LGALS9: variants seen among roughly 807,000 people sequenced by gnomAD.
LGALS9 encodes galectin-9.
Under a neutral mutation model 35.9 loss-of-function variants are expected in LGALS9, and 26 were observed. The observed-to-expected ratio is 0.72, with a 90% confidence interval of 0.53 to 1.01. The LOEUF is 1.01. Ranked by LOEUF, LGALS9 falls within the 50% of genes least tolerant of loss-of-function variation. The pLI, the probability that LGALS9 is intolerant of heterozygous loss-of-function variation, is 0.00. For synonymous variants in LGALS9, 149 were observed against 172.2 expected, an observed-to-expected ratio of 0.87 and a Z score of 1.06; for missense variants, 347 against 445.8, an observed-to-expected ratio of 0.78 and a Z score of 1.99.
At chr17:27,646,292 G>A (rs894972169) in intron 7 of LGALS9, among the ~76,000 whole-genome samples, 3 of 152,150 alleles carry the variant, frequency 2.0e-5, no homozygotes, top group Non-Finnish European at 4.4e-5. Context: ...TGCAAATGAG[G>A]CAGGGGGGCT....
At chr17:27,646,504 C>G (rs1224193850) in intron 7 of LGALS9, 43 bp from the exon 8 acceptor site, 1 of 1,611,922 alleles carries the variant, frequency 6.2e-7, no homozygotes. Context: ...TGCTCGCGCA[C>G]CCATGTGCTC....
intron 1 of LGALS9, among the ~76,000 whole-genome samples, chr17:27,635,175 G>T (rs1276076179): frequency 6.6e-6 from 1 of 152,090 alleles, no homozygotes; most frequent in Non-Finnish European, 1.5e-5. Flanking sequence ...TTCAGGCCAG[G>T]CATGATGGTT....
intron 7 of LGALS9, among the ~76,000 whole-genome samples, chr17:27,646,295 G>C (rs1284758387): frequency 3.3e-5 from 5 of 152,158 alleles, no homozygotes; most frequent in Admixed American, 6.5e-5. Flanking sequence ...AAATGAGGCA[G>C]GGGGGCTTAG....
In LGALS9 at chr17:27,631,285, A is replaced by T; in HGVS notation, c.20A>T (p.Gln7Leu). 6.2e-7 allele frequency: 1 copy of T among 1,614,162 alleles called. No individual in the cohort carries two copies. Among genetic ancestry groups the T allele is most frequent in the Non-Finnish European group, 8.5e-7 (1 of 1,180,010 alleles). The part of the protein sequence containing the change: MAFSGS[Q>L]APYLSPAVPF... ...GGAGAGATGGCCTTCAGCGGTTCCCAGGCTCCCTACCTGAGTCCAGTGAGT... is the reference window on the plus strand; with the variant it reads ...GGAGAGATGGCCTTCAGCGGTTCCCTGGCTCCCTACCTGAGTCCAGTGAGT... The change falls in exon 1 of 11, where the codon CAG (glutamine) becomes CTG (leucine). Residue 7 changes from glutamine to leucine, a missense_variant. Gln to Leu is a moderately radical substitution (Grantham distance 113, BLOSUM62 -2). Transcript: ENST00000395473.
chr17:27,640,654 G>A lies in LGALS9; in HGVS notation c.214G>A (p.Val72Met), dbSNP rs745502360. The A allele has an allele frequency of 8.7e-5, 141 of 1,614,100 alleles. No homozygotes were observed. The highest frequency in any genetic ancestry group is 1.1e-4 in the East Asian group (5 of 44,906). ...FNPRFEDGGY[V>M]VCNTRQNGSW... ...CCCTCGGTTTGAAGATGGAGGGTAC[G>A]TGGTGTGCAACACGAGGCAGAACGG... The change falls in exon 3 of 11, where the codon GTG becomes ATG. Residue 72 changes from valine (V) to methionine (M), a missense_variant. Coordinates refer to ENST00000395473, the MANE Select transcript of LGALS9 (RefSeq NM_009587.3).
chr17:27,645,074 C>G (rs1904827221), intron 5 of LGALS9: 9 of 671,550 alleles, frequency 1.3e-5, no homozygotes, highest in Non-Finnish European at 2.3e-5. Flanking sequence ...AACCCAGTCT[C>G]CTCTCTCTCG....
chr17:27,641,081 C>T (rs1349261931), intron 3 of LGALS9: 4 of 569,444 alleles, frequency 7.0e-6, no homozygotes, highest in Admixed American at 6.8e-5. Context: ...TATAGCCATT[C>T]CTCCTCTCCA....
chr17:27,636,624 C>G (rs1488780931), intron 1 of LGALS9, among the ~76,000 whole-genome samples: 1 of 151,992 alleles, frequency 6.6e-6, no homozygotes, highest in Non-Finnish European at 1.5e-5. Flanking sequence ...TGTGCACCAC[C>G]ACACCTAGCT....
chr17:27,647,162 C>T (rs1326679309), intron 9 of LGALS9, 44 bp downstream of exon 9: 2 of 1,614,096 alleles, frequency 1.2e-6, no homozygotes, highest in South Asian at 2.2e-5. Context: ...GAGAGCCCTT[C>T]AAGGTCAGTC....
intron 10 of LGALS9, 41 bp downstream of exon 10, chr17:27,647,473 G>C (rs1185829931): frequency 1.2e-6 from 2 of 1,612,028 alleles, no homozygotes; most frequent in Non-Finnish European, 1.7e-6. Flanking sequence ...GCTCCCATGG[G>C]TGCACAGGGG....
In LGALS9 at chr17:27,649,237, G is replaced by A; in HGVS notation, c.*255G>A. 1 of 590,592 alleles carries A rather than the reference G, an allele frequency of 1.7e-6. No homozygotes were observed. Among genetic ancestry groups the A allele is most frequent in the Admixed American group, 3.1e-5 (1 of 32,680 alleles). 36.6% of individuals were successfully genotyped at this position (590,592 alleles called of 1,614,324 possible). A position where few individuals can be genotyped will look rare whatever the true frequency, so the allele number is the denominator to read the frequency against. ...TGGAATCCTACCATCCCAGGAGGCA[G>A]GCACAGCCAGGGAGAGGGGAGGAGT... On this transcript the variant is annotated 3_prime_UTR_variant, in exon 11 of 11. Transcript: ENST00000395473.
intron 4 of LGALS9, 108 bp downstream of exon 4, chr17:27,642,456 C>T (rs1904591563): frequency 1.3e-6 from 2 of 1,494,646 alleles, no homozygotes; most frequent in Non-Finnish European, 1.8e-6. Context: ...ACCCAGGTCA[C>T]TCTGGGGACA....
chr17:27,646,499 G>C, intron 7 of LGALS9, 48 bp from the exon 8 acceptor site: 1 of 1,611,782 alleles, frequency 6.2e-7, no homozygotes, highest in Non-Finnish European at 8.5e-7. Flanking sequence ...GTGAGTGCTC[G>C]CGCACCCATG....
intron 9 of LGALS9, 67 bp from the exon 10 acceptor site, chr17:27,647,203 T>C (rs1905017401): frequency 6.2e-7 from 1 of 1,613,586 alleles, no homozygotes; most frequent in South Asian, 1.1e-5. Flanking sequence ...GGAAGGCTAC[T>C]GATGATGGGG....
chr17:27,648,880 T>C lies in LGALS9; in HGVS notation c.966T>C (p.Asp322=). 6.2e-7 allele frequency: 1 copy of C among 1,613,884 alleles called. No homozygotes were observed. Among genetic ancestry groups the C allele is most frequent in the Non-Finnish European group, 8.5e-7 (1 of 1,179,834 alleles). The change falls in exon 11 of 11, where the codon GAT becomes GAC. Residue 322 remains aspartate, a synonymous_variant. Transcript: ENST00000395473. ...CTCACTGCCTCAAGGTGGCCGTGGA[T>C]GGTCAGCACCTGTTTGAATACTACC... ...CEAHCLKVAV[D]GQHLFEYYHR...
At chr17:27,646,782 A>G (rs1292397511) in intron 8 of LGALS9, among the ~76,000 whole-genome samples, 194 bp downstream of exon 8, 1 of 152,248 alleles carries the variant, frequency 6.6e-6, no homozygotes, top group East Asian at 1.9e-4. Flanking sequence ...TCGTGTCAAT[A>G]TGAGCACATT....
intron 4 of LGALS9, 130 bp downstream of exon 4, chr17:27,642,478 C>T: frequency 1.5e-6 from 2 of 1,362,588 alleles, no homozygotes; most frequent in Non-Finnish European, 2.0e-6. Flanking sequence ...CCTCTGCTTC[C>T]CTGTCCCAGT....
intron 1 of LGALS9, among the ~76,000 whole-genome samples, chr17:27,636,059 A>G (rs866478160): frequency 6.6e-6 from 1 of 152,166 alleles, no homozygotes; most frequent in East Asian, 1.9e-4. Flanking sequence ...CCTCAAATCC[A>G]TGGGGAGCAG....
At chr17:27,644,986 C>A in intron 5 of LGALS9, 1 of 367,858 alleles carries the variant, frequency 2.7e-6, no homozygotes. Context: ...TACCACTTCT[C>A]ACCTTATGGG....
Sources: gnomAD v4.1 joint callset for allele counts (sites outside exome capture counted in the v4.1 genomes callset) on GRCh38, gnomAD v4.1.1 for gene constraint, MANE v1.5 for transcripts, NCBI Gene and HGNC (gene_info 2026-07-23, HGNC 2026-07-21) for gene names.